Variants in SOS1 observed in about 807,000 individuals in gnomAD.
SOS1 encodes son of sevenless homolog 1.
A neutral mutation model predicts 157.6 loss-of-function variants in SOS1; 25 were observed. That is an observed-to-expected ratio of 0.16 (90% CI 0.12 to 0.22). The LOEUF (loss-of-function observed/expected upper bound fraction) is 0.22. Among genes scored for constraint, SOS1 ranks in the 10% least tolerant of loss-of-function variants. SOS1 has a pLI of 1.00. For synonymous variants in SOS1, 528 were observed against 534.0 expected (o/e 0.99, Z 0.16); for missense variants, 1,237 against 1,599.1 (o/e 0.77, Z 3.86).
At chr2:39,101,514 T>G (rs1171077392) in intron 1 of SOS1, among the ~76,000 whole-genome samples, 1 of 152,212 alleles carries the variant, frequency 6.6e-6, no homozygotes. Flanking sequence ...CCTGACAGCA[T>G]TATAGGCACC....
chr2:39,047,393 G>A (rs1181951692), intron 6 of SOS1, among the ~76,000 whole-genome samples: 5 of 152,056 alleles, frequency 3.3e-5, no homozygotes, highest in African/African-American at 7.2e-5. Context: ...TTAAAATGCT[G>A]GGTCACAGGG....
intron 1 of SOS1, 72 bp downstream of exon 1, chr2:39,120,264 C>A: frequency 7.4e-7 from 1 of 1,358,966 alleles, no homozygotes; most frequent in South Asian, 1.4e-5. Flanking sequence ...GCGCGCCCCG[C>A]CTCCCCAGCC....
At chr2:39,012,555 G>A (rs1358649089) in intron 13 of SOS1, among the ~76,000 whole-genome samples, 1 of 152,062 alleles carries the variant, frequency 6.6e-6, no homozygotes, top group Non-Finnish European at 1.5e-5. Context: ...GGTAACCACT[G>A]TTAATAGCCT....
chr2:39,113,646 C>G (rs1449751006), intron 1 of SOS1, among the ~76,000 whole-genome samples: 1 of 152,132 alleles, frequency 6.6e-6, no homozygotes. Context: ...AAAAAGGAAG[C>G]CGTAATAGTA....
chr2:39,086,479 T>C (rs1434279968), intron 1 of SOS1, among the ~76,000 whole-genome samples: 1 of 152,196 alleles, frequency 6.6e-6, no homozygotes. Context: ...AATTAGCAAA[T>C]AGGCAGTTTA....
intron 10 of SOS1, among the ~76,000 whole-genome samples, chr2:39,021,145 A>G (rs1026979098): frequency 4.6e-5 from 7 of 151,714 alleles, no homozygotes; most frequent in Admixed American, 3.3e-4. Flanking sequence ...TCAGACAGAA[A>G]TAACTAATAA....
Position 39,012,386 on chromosome 2 carries a change from CTTTA to C in SOS1, c.2168-42_2168-39del, listed in dbSNP as rs544376690. 1,551 of 900,498 alleles carry C rather than the reference CTTTA, an allele frequency of 1.7e-3. 18 individuals are homozygous for C. The African/African-American group carries it at 0.024, about 14-fold the overall frequency. The allele number at this position is 900,498 out of a possible 1,614,324, so 55.8% of individuals were successfully genotyped here. On this transcript the variant is annotated intron_variant, in intron 13 of 22. Transcript: ENST00000402219. Reference sequence around the variant, plus strand: ...ATATTTTAAATAACATTTAAATATTCTTTATTTAATATTTTATATTTTAAAAATG... The same window carrying C: ...ATATTTTAAATAACATTTAAATATTCTTTAATATTTTATATTTTAAAAATG...
chr2:39,120,292 C>A, intron 1 of SOS1, 44 bp downstream of exon 1: 1 of 1,524,302 alleles, frequency 6.6e-7, no homozygotes, highest in East Asian at 2.5e-5. Flanking sequence ...AGCGCCCGCG[C>A]TGGGGGGCTG....
intron 6 of SOS1, among the ~76,000 whole-genome samples, chr2:39,045,249 A>AGAGGGG (rs1330838634): frequency 3.8e-5 from 1 of 26,558 alleles, no homozygotes; most frequent in African/African-American, 7.5e-5. Flanking sequence ...AGAGGGAGAG[A>AGAGGGG]GAGAGAGAGA....
chr2:39,001,105 C>T (rs900145781), intron 17 of SOS1, among the ~76,000 whole-genome samples: 6 of 152,174 alleles, frequency 3.9e-5, no homozygotes, highest in African/African-American at 4.8e-5. Flanking sequence ...GTCACCCAGG[C>T]GGGAGTATAG....
chr2:39,045,018 C>A (rs995437380), intron 6 of SOS1, among the ~76,000 whole-genome samples: 3 of 152,088 alleles, frequency 2.0e-5, no homozygotes, highest in African/African-American at 7.2e-5. Flanking sequence ...TTACTTCTAT[C>A]TAATATAATG....
At chr2:39,043,483 T>G (rs1670646843) in intron 6 of SOS1, among the ~76,000 whole-genome samples, 1 of 152,224 alleles carries the variant, frequency 6.6e-6, no homozygotes, top group South Asian at 2.1e-4. Context: ...TTGTAACAAT[T>G]TGCAAAAGAG....
upstream of SOS1, among the ~76,000 whole-genome samples, chr2:39,122,735 G>A (rs1157567732): frequency 6.6e-6 from 1 of 152,094 alleles, no homozygotes; most frequent in Non-Finnish European, 1.5e-5. Context: ...TATTAGAGAT[G>A]GGGTTTCACT....
intron 6 of SOS1, among the ~76,000 whole-genome samples, chr2:39,038,748 A>AAAAAAAAAAAAAAAAAAAAAAAAT (rs1670448330): frequency 6.8e-6 from 1 of 147,748 alleles, no homozygotes; most frequent in Non-Finnish European, 1.5e-5. Flanking sequence ...AAAAAAAAAA[A>AAAAAAAAAAAAAAAAAAAAAAAAT]GTCGTTTCTT....
chr2:39,074,796 G>A (rs1218202881), intron 1 of SOS1, among the ~76,000 whole-genome samples: 1 of 151,982 alleles, frequency 6.6e-6, no homozygotes, highest in Non-Finnish European at 1.5e-5. Context: ...GAACCCGGGA[G>A]GCGGAGGTTG....
Position 38,982,645 on chromosome 2 carries a change from T to C in SOS1, c.*3179A>G, listed in dbSNP as rs890979921. On this transcript the variant is annotated 3_prime_UTR_variant, in exon 23 of 23. Coordinates refer to ENST00000402219, the MANE Select transcript of SOS1 (RefSeq NM_005633.4). Reference sequence around the variant, plus strand: ...TAAATCTGAAGGAACAAAAAGGTTTTCTTCAATATGTACAACACTAATAAA... The same window carrying C: ...TAAATCTGAAGGAACAAAAAGGTTTCCTTCAATATGTACAACACTAATAAA... 1 of 152,210 alleles carries C rather than the reference T, an allele frequency of 6.6e-6. No individual in the cohort carries two copies. Among genetic ancestry groups the C allele is most frequent in the Non-Finnish European group, 1.5e-5 (1 of 68,024 alleles). The allele number at this position is 152,210 out of a possible 1,614,324, so 9.4% of individuals were successfully genotyped here. A position where few individuals can be genotyped will look rare whatever the true frequency, so the allele number is the denominator to read the frequency against.
chr2:38,996,854 C>A (rs995437202), intron 19 of SOS1, 68 bp downstream of exon 19: 1 of 847,302 alleles, frequency 1.2e-6, no homozygotes, highest in Non-Finnish European at 2.1e-6. Flanking sequence ...TCCCTGAATA[C>A]CTTTATGGAA....
intron 1 of SOS1, among the ~76,000 whole-genome samples, chr2:39,114,092 A>G (rs778356832): frequency 8.6e-5 from 13 of 150,938 alleles, no homozygotes; most frequent in Non-Finnish European, 1.6e-4. Context: ...TTTTCTTTCT[A>G]TTTTTGTTTC....
At chr2:38,989,187 A>G in intron 21 of SOS1, 83 bp downstream of exon 21, 1 of 927,194 alleles carries the variant, frequency 1.1e-6, no homozygotes, top group Non-Finnish European at 1.8e-6. Flanking sequence ...AGACCCAAGA[A>G]GAGTTTTAGC....
Sources: allele counts gnomAD v4.1 joint callset (sites outside exome capture counted in the v4.1 genomes callset), GRCh38; gene constraint gnomAD v4.1.1; transcripts MANE v1.5; gene names NCBI Gene and HGNC (gene_info 2026-07-23, HGNC 2026-07-21).